AMMECR1: variants seen among roughly 807,000 people sequenced by gnomAD.
AMMECR1 encodes the protein AMMECR nuclear protein 1, also known as nuclear protein AMMECR1.
Under a neutral mutation model 22.5 loss-of-function variants are expected in AMMECR1, and 3 were observed. The ratio of observed to expected loss-of-function variants is 0.13; its 90% CI spans 0.06 to 0.35. The LOEUF (loss-of-function observed/expected upper bound fraction) is 0.35, where lower values mean the gene tolerates loss of function less well. Ranked by LOEUF, AMMECR1 falls within the 10% of genes least tolerant of loss-of-function variation. The pLI is 1.00. For missense variants in AMMECR1, 235 were observed against 278.7 expected, an observed-to-expected ratio of 0.84 and a Z score of 1.12; for synonymous variants, 130 against 116.7, an observed-to-expected ratio of 1.11 and a Z score of -0.74.
At chrX:110,263,742 A>G (rs1292465851) in intron 2 of AMMECR1, among the ~76,000 whole-genome samples, 1 of 111,876 alleles carries the variant, frequency 8.9e-6, no homozygotes, top group East Asian at 2.8e-4. Context: ...GTATCAGATA[A>G]TCACCCTAAA....
At chrX:110,401,373 C>G (rs1003266727) in intron 2 of AMMECR1, among the ~76,000 whole-genome samples, 3 of 111,774 alleles carry the variant, frequency 2.7e-5, no homozygotes, top group Non-Finnish European at 5.6e-5. Context: ...CCTACTATGG[C>G]TCCTACAGGC....
intron 1 of AMMECR1, among the ~76,000 whole-genome samples, chrX:110,275,615 G>A (rs1206387316): frequency 1.8e-5 from 2 of 111,028 alleles, no homozygotes; most frequent in Non-Finnish European, 3.8e-5. Flanking sequence ...TGAATCACCT[G>A]AGGCCGGGAG....
Position 110,239,389 on chromosome X carries a change from A to G in AMMECR1, c.585-22757T>C, listed in dbSNP as rs185701626. ...TGGAGCTGAAAAACACAGCATGAGA[A>G]CTTCGTGAAGCATACACAAGTATCA... On this transcript the variant is annotated intron_variant, in intron 2 of 5. Coordinates refer to ENST00000262844, the MANE Select transcript of AMMECR1 (RefSeq NM_015365.3). Among the ~76,000 whole-genome samples, 73 of 111,020 alleles carry G rather than the reference A, an allele frequency of 6.6e-4. 1 individual carries two copies. In the East Asian group the frequency reaches 0.013, roughly 20 times the overall value.
At chrX:110,270,723 C>T (rs2067794395) in intron 1 of AMMECR1, among the ~76,000 whole-genome samples, 2 of 111,825 alleles carry the variant, frequency 1.8e-5, no homozygotes. Context: ...TCTACATTAT[C>T]ACCATTAGAA....
chrX:110,390,058 T>C (rs1230013148), intron 2 of AMMECR1, among the ~76,000 whole-genome samples: 1 of 111,785 alleles, frequency 8.9e-6, no homozygotes, highest in East Asian at 2.8e-4. Context: ...AGATACAAAC[T>C]TGACCCAATG....
At chrX:110,306,078 G>A (rs1213936363) in intron 1 of AMMECR1, among the ~76,000 whole-genome samples, 1 of 110,962 alleles carries the variant, frequency 9.0e-6, no homozygotes, top group Non-Finnish European at 1.9e-5. Context: ...TCAGGAGATC[G>A]AGACCATCCT....
chrX:110,287,923 C>T (rs1255619480), intron 1 of AMMECR1, among the ~76,000 whole-genome samples: 1 of 111,903 alleles, frequency 8.9e-6, no homozygotes, highest in Non-Finnish European at 1.9e-5. Flanking sequence ...TTTTGCCATG[C>T]ACTTGGGATA....
rs1458504425 is a variant in AMMECR1, at chrX:110,284,360, C to G, written c.474-19761G>C. Among the ~76,000 whole-genome samples, 2 of 111,601 alleles carry G rather than the reference C, an allele frequency of 1.8e-5. 1 individual carries two copies. Among genetic ancestry groups the G allele is most frequent in the South Asian group, 7.6e-4 (2 of 2,641 alleles). On this transcript the variant is annotated intron_variant, in intron 1 of 5. Coordinates refer to ENST00000262844, the MANE Select transcript of AMMECR1 (RefSeq NM_015365.3). Reference sequence around the variant, plus strand: ...AGAATTTTTCCAGCTTTAGTCACCACAACTGGAAGGGAAGTTTGGTTTTGT... The same window carrying G: ...AGAATTTTTCCAGCTTTAGTCACCAGAACTGGAAGGGAAGTTTGGTTTTGT...
chrX:110,298,099 C>T (rs1430619916), intron 1 of AMMECR1, among the ~76,000 whole-genome samples: 1 of 110,908 alleles, frequency 9.0e-6, no homozygotes, highest in East Asian at 2.8e-4. Context: ...AATAAAAGAA[C>T]ATGAGAGACT....
At chrX:110,426,140 A>G (rs1202247738) in intron 2 of AMMECR1, among the ~76,000 whole-genome samples, 1 of 112,287 alleles carries the variant, frequency 8.9e-6, no homozygotes, top group Non-Finnish European at 1.9e-5. Flanking sequence ...ATGCTATTAA[A>G]TTTAACCTAA....
chrX:110,211,868 G>C (rs2067449490), intron 3 of AMMECR1, among the ~76,000 whole-genome samples: 1 of 111,749 alleles, frequency 8.9e-6, no homozygotes, highest in Non-Finnish European at 1.9e-5. Flanking sequence ...ACTGCCTTTT[G>C]TGGATGGCTG....
chrX:110,242,586 AGTCCAAACTCATCTACAACTTGACACCC>A (rs2067639068), intron 2 of AMMECR1, among the ~76,000 whole-genome samples: 1 of 112,030 alleles, frequency 8.9e-6, no homozygotes, highest in African/African-American at 3.2e-5. Flanking sequence ...AGGGCCCACA[AGTCCAAACTCATCTACAACTTGACACCC>A]TAAGCTTGTG....
At chrX:110,276,990 G>C (rs1031495851) in intron 1 of AMMECR1, among the ~76,000 whole-genome samples, 1 of 111,009 alleles carries the variant, frequency 9.0e-6, no homozygotes. Context: ...GGTGATGGTA[G>C]AGCTCACTTC....
At chrX:110,349,994 T>A (rs960924849) in intron 2 of AMMECR1, among the ~76,000 whole-genome samples, 2 of 112,099 alleles carry the variant, frequency 1.8e-5, no homozygotes, top group African/African-American at 6.5e-5. Flanking sequence ...AACACAGACT[T>A]AATCAAGCTA....
chrX:110,305,480 T>C (rs1223480389), intron 1 of AMMECR1: 2 of 111,862 alleles, frequency 1.8e-5, no homozygotes, highest in East Asian at 5.6e-4. Context: ...TTCAGTGATA[T>C]TATTTTTAAA....
intron 2 of AMMECR1, among the ~76,000 whole-genome samples, chrX:110,344,025 C>T (rs866656920): frequency 5.5e-4 from 61 of 110,080 alleles, no homozygotes; most frequent in African/African-American, 1.7e-3. Flanking sequence ...AAAAAGAGCC[C>T]GCATTGCCAA....
intron 2 of AMMECR1, among the ~76,000 whole-genome samples, chrX:110,359,531 C>A (rs1397667896): frequency 1.8e-5 from 2 of 111,658 alleles, no homozygotes; most frequent in African/African-American, 3.3e-5. Flanking sequence ...CTCACACAAC[C>A]ATCTAGTGGC....
intron 3 of AMMECR1, among the ~76,000 whole-genome samples, chrX:110,212,639 T>C (rs966112504): frequency 1.8e-5 from 2 of 112,322 alleles, no homozygotes; most frequent in African/African-American, 3.2e-5. Context: ...TGCATACTTA[T>C]GGTGAATAGG....
intron 5 of AMMECR1, among the ~76,000 whole-genome samples, chrX:110,198,964 C>A (rs2067384243): frequency 1.8e-5 from 2 of 111,637 alleles, no homozygotes; most frequent in African/African-American, 6.5e-5. Context: ...CAGAAATCTT[C>A]CACCTCTCCC....
Sources: allele counts gnomAD v4.1 joint callset (sites outside exome capture counted in the v4.1 genomes callset), GRCh38; gene constraint gnomAD v4.1.1; transcripts MANE v1.5; gene names NCBI Gene and HGNC (gene_info 2026-07-23, HGNC 2026-07-21).